LRRN2: variants seen among roughly 807,000 people sequenced by gnomAD.
LRRN2 encodes leucine-rich repeat neuronal protein 2.
LRRN2 carries 10 observed loss-of-function variants against 35.7 expected under a neutral mutation model. The ratio of observed to expected loss-of-function variants is 0.28; its 90% CI spans 0.17 to 0.47. LRRN2 has a LOEUF of 0.47. Among genes scored for constraint, LRRN2 ranks in the 20% least tolerant of loss-of-function variants. LRRN2 has a pLI of 0.99. For missense variants in LRRN2, 731 were observed against 940.3 expected, an observed-to-expected ratio of 0.78 and a Z score of 2.91; for synonymous variants, 391 against 409.6, an observed-to-expected ratio of 0.95 and a Z score of 0.55.
chr1:204,657,942 A>C (rs1668395131), intron 1 of LRRN2, among the ~76,000 whole-genome samples: 1 of 149,504 alleles, frequency 6.7e-6, no homozygotes, highest in Non-Finnish European at 1.5e-5. Context: ...ACCTCCCTTA[A>C]AATTCTAGTA....
intron 1 of LRRN2, among the ~76,000 whole-genome samples, chr1:204,672,360 A>C (rs919498114): frequency 3.3e-5 from 5 of 152,220 alleles, no homozygotes; most frequent in African/African-American, 4.8e-5. Context: ...AGGACCGGCT[A>C]AGATAGGGCT....
At chr1:204,661,686 C>T (rs1181707481) in intron 1 of LRRN2, among the ~76,000 whole-genome samples, 3 of 152,158 alleles carry the variant, frequency 2.0e-5, no homozygotes, top group Non-Finnish European at 4.4e-5. Flanking sequence ...CTGCTGGGAG[C>T]CATGAGGGGC....
chr1:204,652,246 C>T (rs1310387278), intron 1 of LRRN2, among the ~76,000 whole-genome samples: 2 of 125,026 alleles, frequency 1.6e-5, no homozygotes, highest in African/African-American at 6.0e-5. Context: ...CCCCTTCGCC[C>T]TCTCCTCTTC....
chr1:204,618,947 G>T lies in LRRN2; in HGVS notation c.1046C>A (p.Ala349Asp). The T allele has an allele frequency of 6.2e-7, 1 of 1,614,138 alleles. No homozygotes were observed. The highest frequency in any genetic ancestry group is 1.1e-5 in the South Asian group (1 of 91,082). ...GGACTCCACCGTCTGCTGGTGCAAG[G>T]CACTGAGAGCGTTGTTGTTGAGCAT... is the stretch of plus-strand genomic sequence containing the variant. ...TLMLNNNALS[A>D]LHQQTVESLP... is the part of the protein sequence containing the mutation. Residue 349 changes from alanine (A) to aspartate (D), a missense_variant, in exon 2 of 2, where the codon GCC becomes GAC. By Grantham distance (126) the Ala-to-Asp change is moderately radical. This residue lies in a region of LRRN2 where 256 missense variants were observed against 392.4 expected (regional missense o/e 0.65). Transcript: ENST00000367177.
At chr1:204,632,790 C>G (rs1235058709) in intron 1 of LRRN2, among the ~76,000 whole-genome samples, 2 of 151,824 alleles carry the variant, frequency 1.3e-5, no homozygotes, top group Non-Finnish European at 2.9e-5. Flanking sequence ...AAAAATTAGC[C>G]AGGCGTGGTG....
At chr1:204,645,109 T>C (rs1320440461) in intron 1 of LRRN2, among the ~76,000 whole-genome samples, 1 of 152,226 alleles carries the variant, frequency 6.6e-6, no homozygotes. Context: ...AAGAAGGGAA[T>C]TCACAGTCAT....
chr1:204,658,870 T>A (rs977504859), intron 1 of LRRN2, among the ~76,000 whole-genome samples: 8 of 152,218 alleles, frequency 5.3e-5, no homozygotes, highest in Non-Finnish European at 1.0e-4. Context: ...CTAGTGTGGT[T>A]TGGGGAGGCA....
chr1:204,656,877 C>T (rs1185751368), intron 1 of LRRN2, among the ~76,000 whole-genome samples: 2 of 152,168 alleles, frequency 1.3e-5, no homozygotes, highest in Non-Finnish European at 2.9e-5. Flanking sequence ...CCTAATGGAT[C>T]CTCGCCATCT....
Position 204,619,684 on chromosome 1 carries a change from G to A in LRRN2, c.309C>T (p.Asn103=). The A allele has an allele frequency of 8.7e-6, 14 of 1,614,224 alleles. No individual in the cohort carries two copies. Among genetic ancestry groups the A allele is most frequent in the Non-Finnish European group, 1.2e-5 (14 of 1,180,014 alleles). ...ANLTELDLSQ[N]SFSDARDCDF... ...CACAGTCTCGGGCATCCGAAAAGCT[G>A]TTCTGGGACAGGTCCAGCTCTGTGA... is the stretch of plus-strand genomic sequence containing the variant. Residue 103 remains asparagine (N), a synonymous_variant, in exon 2 of 2, where the codon AAC becomes AAT. Coordinates refer to ENST00000367177, the MANE Select transcript of LRRN2 (RefSeq NM_201630.2).
intron 1 of LRRN2, among the ~76,000 whole-genome samples, chr1:204,672,225 G>A (rs1000713757): frequency 6.6e-6 from 1 of 152,204 alleles, no homozygotes; most frequent in Non-Finnish European, 1.5e-5. Flanking sequence ...GAGGTAGTAG[G>A]TATAGCACAA....
Position 204,618,337 on chromosome 1 carries a change from C to T in LRRN2, c.1656G>A (p.Val552=). 6.3e-7 allele frequency: 1 copy of T among 1,593,820 alleles called. No individual in the cohort carries two copies. Among genetic ancestry groups the T allele is most frequent in the Non-Finnish European group, 8.6e-7 (1 of 1,169,128 alleles). ...CACTGGACCAGGTGAGGTTGGTGGA[C>T]ACTGTGTTGGGTGGGGTGACCCAAG... ...LLSWVTPPNT[V]STNLTWSSAS... Residue 552 remains valine (V), a synonymous_variant, in exon 2 of 2, where the codon GTG becomes GTA. Transcript: ENST00000367177.
At chr1:204,673,827 C>T (rs1337251472) in intron 1 of LRRN2, among the ~76,000 whole-genome samples, 1 of 152,114 alleles carries the variant, frequency 6.6e-6, no homozygotes, top group African/African-American at 2.4e-5. Flanking sequence ...AGTGATCTGG[C>T]ATTTCATTTA....
Position 204,678,073 on chromosome 1 carries a change from G to A in LRRN2, c.-227+7247C>T, listed in dbSNP as rs370567946. ...TCCATTTTCCAAGCCTAAATCAGCC[G>A]CGCCCCCCTGAGGAAGCGTTCCCTA... On this transcript the variant is annotated intron_variant, in intron 1 of 1. Transcript: ENST00000367177. Among the ~76,000 whole-genome samples, 14 of 152,054 alleles carry A rather than the reference G, an allele frequency of 9.2e-5. 1 individual carries two copies. In the East Asian group the frequency reaches 1.9e-3, roughly 21 times the overall value.
chr1:204,670,006 G>T (rs35957208), intron 1 of LRRN2, among the ~76,000 whole-genome samples: 102,407 of 138,584 alleles, frequency 0.74, 35,836 homozygotes, highest in Non-Finnish European at 0.81. Context: ...ATTTCCACTC[G>T]TTTTTTTTTT....
At chr1:204,679,788 G>A (rs1668905489) in intron 1 of LRRN2, among the ~76,000 whole-genome samples, 1 of 152,198 alleles carries the variant, frequency 6.6e-6, no homozygotes, top group South Asian at 2.1e-4. Context: ...GCTTCTCTGA[G>A]GATAGTGGCT....
At position 204,657,341 on chromosome 1, in the gene LRRN2, TAC is replaced by T. The variant is rs34779515; in HGVS notation, c.-227+27977_-227+27978del. ...CTATGTGTCTATATATATGTATATATACACACACACACACACACACACACACG... is the reference window on the plus strand; with the variant it reads ...CTATGTGTCTATATATATGTATATATACACACACACACACACACACACACG... On this transcript the variant is annotated intron_variant, in intron 1 of 1. Transcript: ENST00000367177. 1.1e-3 allele frequency among the ~76,000 whole-genome samples: 156 copies of T among 147,050 alleles called. 1 individual carries two copies. The highest frequency in any genetic ancestry group is 2.9e-3 in the Admixed American group (42 of 14,622).
intron 1 of LRRN2, among the ~76,000 whole-genome samples, chr1:204,645,896 G>A (rs536374417): frequency 1.3e-5 from 2 of 152,226 alleles, no homozygotes; most frequent in Admixed American, 6.5e-5. Flanking sequence ...ACCACCACTT[G>A]GTCCCACCCT....
intron 1 of LRRN2, among the ~76,000 whole-genome samples, chr1:204,653,196 G>A (rs1668271978): frequency 2.0e-5 from 3 of 152,282 alleles, no homozygotes; most frequent in Middle Eastern, 6.8e-3. Context: ...ATTAATATAA[G>A]GGCACACACT....
chr1:204,638,646 G>A (rs1428578440), intron 1 of LRRN2, among the ~76,000 whole-genome samples: 1 of 151,930 alleles, frequency 6.6e-6, no homozygotes, highest in Admixed American at 6.6e-5. Context: ...TCCTGACCTC[G>A]TGATCCACCC....
Sources: gnomAD v4.1 joint callset for allele counts (sites outside exome capture counted in the v4.1 genomes callset) on GRCh38, gnomAD v4.1.1 for gene constraint, gnomAD v4.1.1 regional missense constraint, MANE v1.5 for transcripts, NCBI Gene and HGNC (gene_info 2026-07-23, HGNC 2026-07-21) for gene names.